The following AFF2 variants were observed in gnomAD, a reference collection of about 807,000 sequenced individuals.
AFF2 encodes AF4/FMR2 family member 2.
AFF2 carries 14 observed loss-of-function variants against 76.9 expected under a neutral mutation model. The ratio of observed to expected loss-of-function variants is 0.18; its 90% confidence interval spans 0.12 to 0.28. AFF2 has a LOEUF of 0.28. AFF2 is among the 10% of genes least tolerant of loss of function. AFF2 has a pLI of 1.00. For missense variants in AFF2, 868 were observed against 1,001.1 expected (o/e 0.87, Z 1.79); for synonymous variants, 398 against 366.7 (o/e 1.09, Z -0.98).
At chrX:148,814,288 A>G (rs147193013) in intron 4 of AFF2, among the ~76,000 whole-genome samples, 61 of 112,007 alleles carry the variant, frequency 5.4e-4, no homozygotes, top group African/African-American at 1.8e-3. Flanking sequence ...GGAGAGCAGC[A>G]TGCTCTAAAT....
rs1557257959 is a variant in AFF2 at position 148,662,521 on chromosome X, T to C, written c.794T>C (p.Leu265Pro). 8.3e-7 allele frequency: 1 copy of C among 1,212,017 alleles called. No homozygotes were observed. Among genetic ancestry groups the C allele is most frequent in the African/African-American group, 1.7e-5 (1 of 57,831 alleles). ...ASSLLAPSSG[L>P]SVQNFPPGLY... ...TCTTTATTAGCTCCTAGCAGTGGCC[T>C]TTCAGTTCAAAACTTCCCACCAGGG... Residue 265 changes from leucine (L) to proline (P), a missense_variant, in exon 3 of 21, where the codon CTT (leucine) becomes CCT (proline). By Grantham distance (98) the Leu-to-Pro change is moderately conservative. Transcript: ENST00000370460.
intron 1 of AFF2, among the ~76,000 whole-genome samples, chrX:148,572,798 T>C (rs1474598360): frequency 2.7e-5 from 3 of 111,484 alleles, no homozygotes; most frequent in African/African-American, 9.8e-5. Context: ...GGGTTTATTT[T>C]TGAAGTAATA....
At chrX:148,769,595 C>G (rs2069561353) in intron 3 of AFF2, among the ~76,000 whole-genome samples, 1 of 111,055 alleles carries the variant, frequency 9.0e-6, no homozygotes, top group African/African-American at 3.3e-5. Flanking sequence ...TCAGTCTTGC[C>G]CCTCCATCCT....
chrX:148,916,505 C>T (rs926601389), intron 9 of AFF2, among the ~76,000 whole-genome samples: 1 of 110,490 alleles, frequency 9.1e-6, no homozygotes, highest in Non-Finnish European at 1.9e-5. Flanking sequence ...CCACCGTGCC[C>T]GGCCGGTTTT....
chrX:148,800,305 G>A (rs782511333), intron 3 of AFF2, among the ~76,000 whole-genome samples: 6 of 111,619 alleles, frequency 5.4e-5, no homozygotes, highest in East Asian at 2.8e-4. Context: ...CGCCAAGTTC[G>A]TTAGAGGTTA....
intron 7 of AFF2, among the ~76,000 whole-genome samples, chrX:148,851,884 C>T (rs1557275416): frequency 9.1e-6 from 1 of 109,949 alleles, no homozygotes; most frequent in African/African-American, 3.3e-5. Flanking sequence ...CACACCCTCT[C>T]CTCTCAAGTA....
At chrX:148,663,603 T>C (rs2054329886) in intron 3 of AFF2, among the ~76,000 whole-genome samples, 1 of 112,449 alleles carries the variant, frequency 8.9e-6, no homozygotes, top group African/African-American at 3.2e-5. Flanking sequence ...GACACTACCA[T>C]GTAAGCGGCT....
At chrX:148,769,948 G>A (rs1035972318) in intron 3 of AFF2, among the ~76,000 whole-genome samples, 11 of 111,352 alleles carry the variant, frequency 9.9e-5, no homozygotes, top group Non-Finnish European at 1.3e-4. Context: ...AAGGTATGCC[G>A]TCTTTAGAAG....
chrX:148,669,321 C>T (rs1349058570), intron 3 of AFF2, among the ~76,000 whole-genome samples: 1 of 112,065 alleles, frequency 8.9e-6, no homozygotes, highest in African/African-American at 3.2e-5. Context: ...CAATCTCTGC[C>T]TGTTACCCAG....
chrX:148,674,207 C>A (rs2124481766), intron 3 of AFF2, among the ~76,000 whole-genome samples: 1 of 112,080 alleles, frequency 8.9e-6, no homozygotes, highest in South Asian at 3.7e-4. Context: ...ATGAAATATT[C>A]TTTTCCTCTT....
At chrX:148,932,676 AC>A (rs201044478) in intron 9 of AFF2, among the ~76,000 whole-genome samples, 1 of 110,655 alleles carries the variant, frequency 9.0e-6, no homozygotes, top group Non-Finnish European at 1.9e-5. Context: ...GAAGTACTCA[AC>A]CCCCCTACCA....
At position 148,690,440 on chromosome X, in the gene AFF2, A is replaced by T. The variant is rs1557260673; in HGVS notation, c.1041+27672A>T. On this transcript the variant is annotated intron_variant, in intron 3 of 20. Transcript: ENST00000370460. ...ATAGATACCATCTAGTCTAAACCTC[A>T]TTTAGACATTTAGGGAAATTGAGGC... 2.7e-5 allele frequency among the ~76,000 whole-genome samples: 3 copies of T among 111,983 alleles called. 1 individual carries two copies. The Admixed American group carries it at 2.8e-4, about 11-fold the overall frequency.
chrX:148,869,916 A>G (rs1210280527), intron 7 of AFF2, among the ~76,000 whole-genome samples: 1 of 111,231 alleles, frequency 9.0e-6, no homozygotes, highest in Non-Finnish European at 1.9e-5. Flanking sequence ...TAAGGACACC[A>G]GTCATATCGG....
chrX:148,749,895 C>T (rs1264399102), intron 3 of AFF2, among the ~76,000 whole-genome samples: 1 of 111,413 alleles, frequency 9.0e-6, no homozygotes, highest in African/African-American at 3.3e-5. Context: ...CTGCCTCCTC[C>T]TCACCTTACA....
intron 18 of AFF2, among the ~76,000 whole-genome samples, chrX:148,978,881 G>A (rs1405491198): frequency 8.9e-6 from 1 of 112,062 alleles, no homozygotes; most frequent in Non-Finnish European, 1.9e-5. Flanking sequence ...ACCCTGGAAG[G>A]CCTTTGTCCA....
intron 1 of AFF2, among the ~76,000 whole-genome samples, chrX:148,648,539 T>C (rs1557255857): frequency 6.2e-5 from 5 of 81,019 alleles, no homozygotes; most frequent in Non-Finnish European, 4.4e-5. Context: ...TCCAGCCTGG[T>C]CGACAAGAGG....
At chrX:148,619,208 A>T (rs1442111057) in intron 1 of AFF2, among the ~76,000 whole-genome samples, 2 of 111,328 alleles carry the variant, frequency 1.8e-5, no homozygotes, top group African/African-American at 6.5e-5. Context: ...TTTGTCCTGC[A>T]TGAGTCCCTC....
At chrX:148,597,993 C>A (rs1223782396) in intron 1 of AFF2, among the ~76,000 whole-genome samples, 2 of 112,155 alleles carry the variant, frequency 1.8e-5, no homozygotes, top group African/African-American at 6.5e-5. Flanking sequence ...GTTCTCACAT[C>A]ATCAATAGGA....
chrX:148,697,159 C>A (rs112295825), intron 3 of AFF2, among the ~76,000 whole-genome samples: 1,899 of 112,315 alleles, frequency 0.017, 38 homozygotes, highest in African/African-American at 0.059. Flanking sequence ...CTCAAATGAG[C>A]AACCTTAGAG....
Sources: gnomAD v4.1 joint callset for allele counts (sites outside exome capture counted in the v4.1 genomes callset) on GRCh38, gnomAD v4.1.1 for gene constraint, MANE v1.5 for transcripts, NCBI Gene and HGNC (gene_info 2026-07-23, HGNC 2026-07-21) for gene names.